DOCK10: variants seen among roughly 807,000 people sequenced by gnomAD.
DOCK10 encodes dedicator of cytokinesis protein 10.
Under a neutral mutation model 280.1 loss-of-function variants are expected in DOCK10, and 145 were observed. That is an observed-to-expected ratio of 0.52 (90% CI 0.45 to 0.59). The LOEUF (loss-of-function observed/expected upper bound fraction) is 0.59, where lower values mean the gene tolerates loss of function less well. Ranked by LOEUF, DOCK10 falls within the 20% of genes least tolerant of loss-of-function variation. The pLI, the probability that DOCK10 is intolerant of heterozygous loss-of-function variation, is 0.00. For synonymous variants in DOCK10, 915 were observed against 942.2 expected (o/e 0.97, Z 0.53); for missense variants, 2,368 against 2,651.7 (o/e 0.89, Z 2.35).
chr2:224,867,929 A>G (rs971820657), intron 11 of DOCK10, among the ~76,000 whole-genome samples: 1 of 152,210 alleles, frequency 6.6e-6, no homozygotes, highest in Non-Finnish European at 1.5e-5. Flanking sequence ...TAAAGATACA[A>G]AGATGAATTC....
chr2:224,818,965 T>A (rs903912407), intron 29 of DOCK10, among the ~76,000 whole-genome samples: 1 of 152,184 alleles, frequency 6.6e-6, no homozygotes, highest in Non-Finnish European at 1.5e-5. Flanking sequence ...AACAAATTTC[T>A]GGGCTCCATT....
chr2:224,786,356 G>T lies in DOCK10; in HGVS notation c.5655+666C>A, dbSNP rs1258488994. Among the ~76,000 whole-genome samples the T allele has an allele frequency of 1.3e-5, 2 of 152,196 alleles. No individual in the cohort carries two copies. The highest frequency in any genetic ancestry group is 4.8e-5 in the African/African-American group (2 of 41,438). ...CCTGAAAAGAAAATGAATGGTGCCT[G>T]GGTTTAGCCCATTGAAAATGTTGCT... On this transcript the variant is annotated intron_variant, in intron 50 of 55. Coordinates refer to ENST00000258390, the MANE Select transcript of DOCK10 (RefSeq NM_014689.3). The surrounding 1 kb of genome is among the most constrained non-coding windows in gnomAD (Gnocchi z 4.7).
At chr2:224,794,400 G>A (rs1692409211) in intron 45 of DOCK10, among the ~76,000 whole-genome samples, 1 of 152,202 alleles carries the variant, frequency 6.6e-6, no homozygotes, top group East Asian at 1.9e-4. Context: ...TCGTGCAGTG[G>A]ACTCTCCTCA....
At chr2:224,927,352 A>G (rs13034050) in intron 2 of DOCK10, among the ~76,000 whole-genome samples, 89,810 of 151,954 alleles carry the variant, frequency 0.59, 26,939 homozygotes, top group Non-Finnish European at 0.64. Context: ...AGAAGTTTTA[A>G]CCAGAGGCAT....
At chr2:224,939,084 C>T (rs767907438) in intron 1 of DOCK10, among the ~76,000 whole-genome samples, 21 of 152,120 alleles carry the variant, frequency 1.4e-4, no homozygotes, top group East Asian at 3.9e-4. Flanking sequence ...GTAACAAAGA[C>T]GGACACAGAT....
chr2:224,768,889 C>T (rs1690232349), intron 55 of DOCK10: 1 of 456,494 alleles, frequency 2.2e-6, no homozygotes, highest in East Asian at 7.0e-5. Context: ...GCTTACAGTA[C>T]TGAGGGAAAT....
At chr2:225,009,617 T>A (rs1689376377) in intron 1 of DOCK10, among the ~76,000 whole-genome samples, 1 of 119,974 alleles carries the variant, frequency 8.3e-6, no homozygotes, top group Non-Finnish European at 1.8e-5. Context: ...AAGGGAACAA[T>A]GACAAAGGCA....
intron 2 of DOCK10, among the ~76,000 whole-genome samples, chr2:224,925,834 T>C (rs192157273): frequency 1.3e-3 from 192 of 152,340 alleles, no homozygotes; most frequent in Non-Finnish European, 1.1e-3. Context: ...TTCTCAACTT[T>C]TTTTCTGCTA....
At chr2:224,894,385 C>G (rs1421509878) in intron 4 of DOCK10, among the ~76,000 whole-genome samples, 1 of 152,134 alleles carries the variant, frequency 6.6e-6, no homozygotes, top group Non-Finnish European at 1.5e-5. Flanking sequence ...TGTAATGGAC[C>G]TAAAGATGGT....
chr2:224,880,698 T>C (rs184605798), intron 7 of DOCK10, among the ~76,000 whole-genome samples: 1 of 152,186 alleles, frequency 6.6e-6, no homozygotes, highest in Non-Finnish European at 1.5e-5. Flanking sequence ...CTGTTCTGCT[T>C]CCACAATGTT....
intron 2 of DOCK10, among the ~76,000 whole-genome samples, chr2:224,919,405 AAT>A (rs1472537344): frequency 2.7e-5 from 4 of 147,128 alleles, no homozygotes; most frequent in Admixed American, 2.0e-4. Context: ...GTGGTATATG[AAT>A]GTGTGTAGAG....
intron 1 of DOCK10, among the ~76,000 whole-genome samples, chr2:224,944,102 C>A (rs570160571): frequency 1.1e-4 from 17 of 152,066 alleles, no homozygotes; most frequent in Non-Finnish European, 1.8e-4. Context: ...GTGCTGGGCA[C>A]GGTACAATGA....
intron 1 of DOCK10, among the ~76,000 whole-genome samples, chr2:224,935,667 C>T (rs866991034): frequency 7.9e-5 from 12 of 152,198 alleles, no homozygotes; most frequent in Middle Eastern, 3.4e-3. Flanking sequence ...ACTTTTTAAA[C>T]CCCTGGAAGA....
chr2:224,839,115 T>C (rs1413504289), intron 24 of DOCK10, among the ~76,000 whole-genome samples: 2 of 151,904 alleles, frequency 1.3e-5, no homozygotes, highest in African/African-American at 2.4e-5. Context: ...GTCTTGCTCT[T>C]TCACCCAGGC....
At chr2:224,837,427 A>G (rs542843247) in intron 25 of DOCK10, among the ~76,000 whole-genome samples, 1 of 152,372 alleles carries the variant, frequency 6.6e-6, no homozygotes, top group East Asian at 1.9e-4. Context: ...AACCAACAGG[A>G]AAGTCTTCCT....
chr2:224,845,090 A>G (rs1027054843), intron 21 of DOCK10, 113 bp downstream of exon 21: 3 of 1,143,754 alleles, frequency 2.6e-6, no homozygotes, highest in Non-Finnish European at 3.7e-6. Context: ...CACTTGATTC[A>G]TAGCTACAAG....
chr2:224,851,811 C>T (rs1465948521), intron 18 of DOCK10, among the ~76,000 whole-genome samples: 1 of 152,122 alleles, frequency 6.6e-6, no homozygotes, highest in Non-Finnish European at 1.5e-5. Context: ...AATGCCATCC[C>T]GTTGCAGCTT....
At chr2:224,800,026 A>G (rs1288148745) in intron 41 of DOCK10, 125 bp downstream of exon 41, 2 of 541,800 alleles carry the variant, frequency 3.7e-6, no homozygotes, top group Admixed American at 3.1e-5. Context: ...ACTCACACTT[A>G]GGTTGATTTA....
intron 1 of DOCK10, among the ~76,000 whole-genome samples, chr2:225,030,298 C>T (rs900465351): frequency 1.3e-5 from 2 of 152,050 alleles, no homozygotes; most frequent in Admixed American, 6.6e-5. Flanking sequence ...CTAACCTCAA[C>T]GAAAGGAGAA....
Sources: allele counts gnomAD v4.1 joint callset (sites outside exome capture counted in the v4.1 genomes callset), GRCh38; gene constraint gnomAD v4.1.1; non-coding constraint Gnocchi (gnomAD v3.1); transcripts MANE v1.5; gene names NCBI Gene and HGNC (gene_info 2026-07-23, HGNC 2026-07-21).